Variants in PJA2 observed in about 807,000 individuals in gnomAD.
PJA2 encodes praja ring finger ubiquitin ligase 2.
In PJA2, 25 loss-of-function variants were observed where a neutral mutation model predicts 69.3. The observed-to-expected ratio is 0.36, with a 90% CI of 0.26 to 0.50. PJA2 has a LOEUF of 0.50. PJA2 is among the 20% of genes least tolerant of loss of function. The pLI, the probability that PJA2 is intolerant of heterozygous loss-of-function variation, is 0.96. For synonymous variants in PJA2, 308 were observed against 277.8 expected (o/e 1.11, Z -1.08); for missense variants, 809 against 830.2 (o/e 0.97, Z 0.31).
At chr5:109,343,350 TAAAAAAAAAAAA>T (rs55754432) in intron 9 of PJA2, among the ~76,000 whole-genome samples, 1 of 40,028 alleles carries the variant, frequency 2.5e-5, no homozygotes, top group Non-Finnish European at 4.3e-5. Context: ...TAATGTACCA[TAAAAAAAAAAAA>T]AAAAAAAAAA....
chr5:109,381,543 T>C lies in PJA2; in HGVS notation c.192A>G (p.Glu64=). The change falls in exon 3 of 10, where the codon GAA becomes GAG. Residue 64 remains glutamate, a synonymous_variant. Transcript: ENST00000361189. ...RSLGRAGDDY[E]VLELDDVPKE... ...TTGGAACATCATCTAGTTCCAACACTTCATAGTCATCACCAGCCCGACCTA... is the reference window on the plus strand; with the variant it reads ...TTGGAACATCATCTAGTTCCAACACCTCATAGTCATCACCAGCCCGACCTA... The C allele has an allele frequency of 6.2e-7, 1 of 1,614,082 alleles. No homozygotes were observed. Among genetic ancestry groups the C allele is most frequent in the Middle Eastern group, 1.6e-4 (1 of 6,062 alleles).
intron 7 of PJA2, among the ~76,000 whole-genome samples, chr5:109,353,566 A>G (rs1166922617): frequency 7.8e-5 from 11 of 140,232 alleles, no homozygotes; most frequent in African/African-American, 2.2e-4. Flanking sequence ...AGATATCTAT[A>G]ATATCATAGA....
intron 4 of PJA2, among the ~76,000 whole-genome samples, chr5:109,377,508 T>C (rs899202861): frequency 1.1e-4 from 17 of 152,186 alleles, no homozygotes; most frequent in Non-Finnish European, 1.9e-4. Flanking sequence ...GAATGCTTAT[T>C]ATAAGTTTTA....
chr5:109,364,843 G>A (rs1316652371), intron 5 of PJA2, among the ~76,000 whole-genome samples: 2 of 151,674 alleles, frequency 1.3e-5, no homozygotes, highest in Admixed American at 1.3e-4. Flanking sequence ...ATAATAATTA[G>A]CAGAAAAGGA....
At chr5:109,369,371 T>C (rs1762635403) in intron 4 of PJA2, among the ~76,000 whole-genome samples, 3 of 152,188 alleles carry the variant, frequency 2.0e-5, no homozygotes, top group Non-Finnish European at 4.4e-5. Flanking sequence ...TATGGCAAGT[T>C]ATGGAATATA....
chr5:109,356,996 G>C (rs1208350032), intron 6 of PJA2, among the ~76,000 whole-genome samples: 1 of 152,010 alleles, frequency 6.6e-6, no homozygotes, highest in African/African-American at 2.4e-5. Context: ...AAACCGTTAA[G>C]TATGTCCTTG....
intron 1 of PJA2, among the ~76,000 whole-genome samples, chr5:109,405,689 A>T (rs1247830117): frequency 6.6e-6 from 1 of 152,224 alleles, no homozygotes; most frequent in Non-Finnish European, 1.5e-5. Context: ...ACATTTGAAA[A>T]GAAAATGAGC....
intron 7 of PJA2, among the ~76,000 whole-genome samples, chr5:109,346,269 A>T (rs1762171043): frequency 1.3e-5 from 2 of 152,250 alleles, no homozygotes. Flanking sequence ...AACCTGAAGG[A>T]AATTTGACAA....
At chr5:109,367,955 T>A (rs902853377) in intron 5 of PJA2, among the ~76,000 whole-genome samples, 2 of 151,900 alleles carry the variant, frequency 1.3e-5, no homozygotes, top group Non-Finnish European at 2.9e-5. Flanking sequence ...TTCATTTACA[T>A]CTTGTCTATG....
At chr5:109,370,027 C>G (rs558291322) in intron 4 of PJA2, among the ~76,000 whole-genome samples, 12 of 142,076 alleles carry the variant, frequency 8.4e-5, no homozygotes, top group Admixed American at 3.5e-4. Context: ...AGTGAAACTC[C>G]CTCTCAAAAA....
At chr5:109,356,912 T>A (rs1372756238) in intron 6 of PJA2, among the ~76,000 whole-genome samples, 1 of 152,092 alleles carries the variant, frequency 6.6e-6, no homozygotes, top group Non-Finnish European at 1.5e-5. Flanking sequence ...CTACTCTCCT[T>A]CCTCCACCCC....
At chr5:109,352,759 A>G (rs1762276235) in intron 7 of PJA2, among the ~76,000 whole-genome samples, 1 of 151,870 alleles carries the variant, frequency 6.6e-6, no homozygotes, top group Admixed American at 6.6e-5. Context: ...GTGTGCACAG[A>G]TGGACAGATA....
chr5:109,386,418 A>G (rs1309328659), intron 1 of PJA2, among the ~76,000 whole-genome samples: 1 of 152,218 alleles, frequency 6.6e-6, no homozygotes, highest in Non-Finnish European at 1.5e-5. Context: ...AAGAGAGGAA[A>G]GGAATTGGAA....
intron 9 of PJA2, among the ~76,000 whole-genome samples, chr5:109,338,933 T>G (rs1423148189): frequency 6.6e-6 from 1 of 152,198 alleles, no homozygotes; most frequent in East Asian, 1.9e-4. Context: ...TTCTTAAGTC[T>G]CTGAAGCTAT....
Position 109,381,547 on chromosome 5 carries a change from T to G in PJA2, c.188A>C (p.Tyr63Ser), listed in dbSNP as rs140359423. 96 of 1,613,956 alleles carry G rather than the reference T, an allele frequency of 5.9e-5. No individual in the cohort carries two copies. The highest frequency in any genetic ancestry group is 7.6e-5 in the Non-Finnish European group (90 of 1,180,004). Reference sequence around the variant, plus strand: ...AACATCATCTAGTTCCAACACTTCATAGTCATCACCAGCCCGACCTAAGCT... The same window carrying G: ...AACATCATCTAGTTCCAACACTTCAGAGTCATCACCAGCCCGACCTAAGCT... The part of the protein sequence containing the change: ...ERSLGRAGDD[Y>S]EVLELDDVPK... Residue 63 changes from tyrosine to serine, a missense_variant, in exon 3 of 10, where the codon TAT becomes TCT. Transcript: ENST00000361189.
intron 9 of PJA2, among the ~76,000 whole-genome samples, chr5:109,338,434 G>A (rs1190247990): frequency 6.6e-6 from 1 of 152,088 alleles, no homozygotes; most frequent in Non-Finnish European, 1.5e-5. Flanking sequence ...GAGCTCAGGA[G>A]TTCGCAACCA....
At chr5:109,375,507 C>T (rs894593259) in intron 4 of PJA2, among the ~76,000 whole-genome samples, 1 of 150,718 alleles carries the variant, frequency 6.6e-6, no homozygotes, top group African/African-American at 2.4e-5. Flanking sequence ...AACTCTGTCT[C>T]GAAATAAATA....
At chr5:109,339,494 T>C (rs2126983123) in intron 9 of PJA2, among the ~76,000 whole-genome samples, 1 of 152,224 alleles carries the variant, frequency 6.6e-6, no homozygotes, top group South Asian at 2.1e-4. Context: ...GGAAATAAAG[T>C]AGGTCACTAC....
chr5:109,357,142 T>C (rs369534243), intron 6 of PJA2, among the ~76,000 whole-genome samples: 2 of 152,248 alleles, frequency 1.3e-5, no homozygotes, highest in South Asian at 4.1e-4. Flanking sequence ...TTGACCTACA[T>C]TTCTAGTTGT....
Sources: allele counts gnomAD v4.1 joint callset (sites outside exome capture counted in the v4.1 genomes callset), GRCh38; gene constraint gnomAD v4.1.1; transcripts MANE v1.5; gene names NCBI Gene and HGNC (gene_info 2026-07-23, HGNC 2026-07-21).